Variants in PKD1L1 observed in about 807,000 individuals in gnomAD.
The protein encoded by PKD1L1 is polycystin 1 like 1, transient receptor potential channel interacting, also known as polycystin-1-like protein 1.
PKD1L1 carries 236 observed loss-of-function variants against 323.4 expected under a neutral mutation model. That is an observed-to-expected ratio of 0.73 (90% confidence interval 0.66 to 0.81). PKD1L1 has a LOEUF of 0.81. Among genes scored for constraint, PKD1L1 ranks in the 40% least tolerant of loss-of-function variants. The pLI is 0.00. For missense variants in PKD1L1, 3,320 were observed against 3,508.0 expected (o/e 0.95, Z 1.35); for synonymous variants, 1,344 against 1,335.0 (o/e 1.01, Z -0.15).
chr7:47,856,924 A>T (rs1785917308), intron 28 of PKD1L1, among the ~76,000 whole-genome samples: 1 of 152,178 alleles, frequency 6.6e-6, no homozygotes. Flanking sequence ...AGAAATAGAG[A>T]ATCCTTGCTC....
chr7:47,869,670 G>A (rs1356697907), intron 24 of PKD1L1, among the ~76,000 whole-genome samples: 1 of 152,094 alleles, frequency 6.6e-6, no homozygotes, highest in African/African-American at 2.4e-5. Flanking sequence ...TGTCAATAAT[G>A]GATAGAACCA....
chr7:47,858,571 A>T, intron 27 of PKD1L1, 102 bp downstream of exon 27: 2 of 1,098,540 alleles, frequency 1.8e-6, no homozygotes, highest in Non-Finnish European at 2.7e-6. Context: ...GTACTTCAGA[A>T]ACTGATTCTG....
At chr7:47,798,138 TCAAAA>T (rs1784583026) in intron 54 of PKD1L1, among the ~76,000 whole-genome samples, 2 of 152,180 alleles carry the variant, frequency 1.3e-5, no homozygotes, top group Admixed American at 1.3e-4. Flanking sequence ...ACACCTACAG[TCAAAA>T]CAGAACAAAG....
chr7:47,948,547 T>C, upstream of PKD1L1: 1 of 1,107,190 alleles, frequency 9.0e-7, no homozygotes, highest in East Asian at 2.4e-5. Context: ...TCTGTACTTG[T>C]GACCTCTTAT....
chr7:47,870,599 G>A (rs1786261611), intron 24 of PKD1L1, among the ~76,000 whole-genome samples: 1 of 152,166 alleles, frequency 6.6e-6, no homozygotes, highest in African/African-American at 2.4e-5. Context: ...TACTGAATCA[G>A]TCATTTCAAA....
chr7:47,788,410 C>T (rs1786860169), intron 56 of PKD1L1, among the ~76,000 whole-genome samples: 1 of 150,476 alleles, frequency 6.6e-6, no homozygotes, highest in South Asian at 2.1e-4. Context: ...CGTGCCTCAG[C>T]CTCCTGAGTA....
rs766038224 is a variant in PKD1L1, at chr7:47,885,877, G to A, written c.3014C>T (p.Pro1005Leu). ...CATGGGCTCTGTGGGGGTTCCCCTT[G>A]GAGCTGAAGTGGCAGGTTGGCCAAG... The part of the protein sequence containing the change: ...VTLGQPATSA[P>L]RGTPTEPMTG... Residue 1005 changes from proline (P) to leucine (L), a missense_variant, in exon 18 of 57, where the codon CCA becomes CTA. Pro to Leu is a moderately conservative substitution (Grantham distance 98). Coordinates refer to ENST00000289672, the MANE Select transcript of PKD1L1 (RefSeq NM_138295.5). 9.9e-6 allele frequency: 16 copies of A among 1,614,182 alleles called. No individual in the cohort carries two copies. The South Asian group carries it at 1.8e-4, about 18-fold the overall frequency.
intron 28 of PKD1L1, among the ~76,000 whole-genome samples, chr7:47,857,380 C>T (rs913849694): frequency 6.6e-6 from 1 of 152,180 alleles, no homozygotes; most frequent in Admixed American, 6.5e-5. Flanking sequence ...GTCCCAGATA[C>T]AAGTGACATC....
chr7:47,895,926 A>T (rs767328991), intron 14 of PKD1L1, among the ~76,000 whole-genome samples: 3 of 152,154 alleles, frequency 2.0e-5, no homozygotes, highest in Non-Finnish European at 4.4e-5. Flanking sequence ...TGATAGAGAA[A>T]AGGGGAGAAA....
intron 39 of PKD1L1, among the ~76,000 whole-genome samples, chr7:47,834,689 C>T (rs1339585563): frequency 1.3e-5 from 2 of 152,114 alleles, no homozygotes; most frequent in African/African-American, 4.8e-5. Context: ...AATGGATTCA[C>T]TATCCATCTG....
upstream of PKD1L1, among the ~76,000 whole-genome samples, chr7:47,949,670 A>G (rs1788173971): frequency 6.6e-6 from 1 of 152,166 alleles, no homozygotes; most frequent in Non-Finnish European, 1.5e-5. Context: ...GAGATTTTAG[A>G]AAACTTAATG....
At position 47,864,625 on chromosome 7, in the gene PKD1L1, TTTCTTTCTTTCC is replaced by T. The variant is rs1229651257; in HGVS notation, c.4149+579_4149+590del. Among the ~76,000 whole-genome samples, 264 of 129,876 alleles carry T rather than the reference TTTCTTTCTTTCC, an allele frequency of 2.0e-3. 1 individual carries two copies. The highest frequency in any genetic ancestry group is 7.6e-3 in the African/African-American group (234 of 30,894). The allele number at this position is 129,876 out of a possible 152,430, so 85.2% of individuals were successfully genotyped here. A position where few individuals can be genotyped will look rare whatever the true frequency, so the allele number is the denominator to read the frequency against. ...CTTTCTTTCTTTCTTTCTTTCTTTCTTTCTTTCTTTCCTTCCTTCCTTCCTTCCTCCCTCTCT... is the reference window on the plus strand; with the variant it reads ...CTTTCTTTCTTTCTTTCTTTCTTTCTTTCCTTCCTTCCTTCCTCCCTCTCT... On this transcript the variant is annotated intron_variant, in intron 26 of 56. Transcript: ENST00000289672.
Position 47,853,168 on chromosome 7 carries a change from T to G in PKD1L1, c.4919A>C (p.Glu1640Ala). 6.2e-7 allele frequency: 1 copy of G among 1,613,876 alleles called. No individual in the cohort carries two copies. The highest frequency in any genetic ancestry group is 8.5e-7 in the Non-Finnish European group (1 of 1,179,786). ...FLVKQIYFWD[E>A]SIVQIYIPAA... ...AGGTATATAAATCTGCACAATTGACTCATCCCAGAAGTAGATCTGCTTCAC... is the reference window on the plus strand; with the variant it reads ...AGGTATATAAATCTGCACAATTGACGCATCCCAGAAGTAGATCTGCTTCAC... Residue 1640 changes from glutamate to alanine, a missense_variant, in exon 31 of 57, where the codon GAG (glutamate) becomes GCG (alanine). Coordinates refer to ENST00000289672, the MANE Select transcript of PKD1L1 (RefSeq NM_138295.5).
At chr7:47,923,543 T>A (rs1038106430) in intron 7 of PKD1L1, among the ~76,000 whole-genome samples, 1 of 151,436 alleles carries the variant, frequency 6.6e-6, no homozygotes, top group African/African-American at 2.4e-5. Flanking sequence ...GAAATAAATT[T>A]TAAAAAAAAC....
At chr7:47,942,411 T>C (rs984061319) in intron 2 of PKD1L1, among the ~76,000 whole-genome samples, 31 of 152,140 alleles carry the variant, frequency 2.0e-4, no homozygotes, top group Non-Finnish European at 4.1e-4. Context: ...TCAACATTGA[T>C]GCCAGGCACA....
intron 54 of PKD1L1, among the ~76,000 whole-genome samples, chr7:47,799,514 A>C (rs898068590): frequency 2.6e-5 from 4 of 152,206 alleles, no homozygotes; most frequent in African/African-American, 9.6e-5. Context: ...GAAGGCAGGC[A>C]CACCAATATG....
At chr7:47,855,465 C>T (rs564670539) in intron 28 of PKD1L1, among the ~76,000 whole-genome samples, 200 bp from the exon 29 acceptor site, 1 of 152,276 alleles carries the variant, frequency 6.6e-6, no homozygotes, top group South Asian at 2.1e-4. Context: ...GCTTCATTTG[C>T]ATCATTCTTA....
At position 47,890,732 on chromosome 7, in the gene PKD1L1, G is replaced by C; in HGVS notation, c.2485C>G (p.Pro829Ala). Reference protein sequence around the residue: ...YHWECATAGSPAHPCFDSSTA... With the variant: ...YHWECATAGSAAHPCFDSSTA... The stretch of plus-strand genomic sequence containing the variant: ...GAGGAGTCGAAGCAGGGATGTGCTG[G>C]GGAGCCAGCGGTGGCGCATTCCCAG... Residue 829 changes from proline (P) to alanine (A), a missense_variant, in exon 16 of 57, where the codon CCA (proline) becomes GCA (alanine). Transcript: ENST00000289672. The C allele has an allele frequency of 1.9e-6, 3 of 1,612,832 alleles. No homozygotes were observed. The highest frequency in any genetic ancestry group is 2.5e-6 in the Non-Finnish European group (3 of 1,180,040).
chr7:47,891,116 G>C (rs1274456884), intron 15 of PKD1L1, among the ~76,000 whole-genome samples: 1 of 152,164 alleles, frequency 6.6e-6, no homozygotes, highest in African/African-American at 2.4e-5. Context: ...CCTCAAGTAT[G>C]TCCCAAACAC....
Sources: allele counts gnomAD v4.1 joint callset (sites outside exome capture counted in the v4.1 genomes callset), GRCh38; gene constraint gnomAD v4.1.1; transcripts MANE v1.5; gene names NCBI Gene and HGNC (gene_info 2026-07-23, HGNC 2026-07-21).